SAMD12: variants seen among roughly 807,000 people sequenced by gnomAD.
SAMD12 encodes sterile alpha motif domain containing 12, also known as sterile alpha motif domain-containing protein 12.
SAMD12 carries 9 observed loss-of-function variants against 15.0 expected under a neutral mutation model. The ratio of observed to expected loss-of-function variants is 0.60; its 90% CI spans 0.36 to 1.05. The LOEUF (loss-of-function observed/expected upper bound fraction) is 1.05. Among genes scored for constraint, SAMD12 ranks in the 50% least tolerant of loss-of-function variants. The pLI, the probability that SAMD12 is intolerant of heterozygous loss-of-function variation, is 0.01. For synonymous variants in SAMD12, 86 were observed against 90.1 expected, an observed-to-expected ratio of 0.96 and a Z score of 0.25; for missense variants, 230 against 234.2, an observed-to-expected ratio of 0.98 and a Z score of 0.12.
intron 3 of SAMD12, among the ~76,000 whole-genome samples, chr8:118,430,071 T>A (rs1270144728): frequency 6.6e-6 from 1 of 152,190 alleles, no homozygotes; most frequent in African/African-American, 2.4e-5. Context: ...TTAAAAATTA[T>A]GGATCAACAC....
At chr8:118,406,516 CACCT>C (rs1241807025) in intron 3 of SAMD12, among the ~76,000 whole-genome samples, 5 of 152,030 alleles carry the variant, frequency 3.3e-5, no homozygotes, top group African/African-American at 4.8e-5. Flanking sequence ...TCAGGTGATC[CACCT>C]GCCTCGGCCT....
chr8:118,302,077 A>ATTTTTTTTTT (rs1815061746), intron 4 of SAMD12, among the ~76,000 whole-genome samples: 5 of 70,962 alleles, frequency 7.0e-5, no homozygotes, highest in African/African-American at 4.5e-4. Context: ...GATCTTTGAG[A>ATTTTTTTTTT]GTTTTTTTTT....
chr8:118,144,387 T>C, the SAMD12 span, among the ~76,000 whole-genome samples: 1 of 152,128 alleles, frequency 6.6e-6, no homozygotes, highest in Non-Finnish European at 1.5e-5. Flanking sequence ...ACAACCCTCA[T>C]CCCCACTGAG....
intron 4 of SAMD12, among the ~76,000 whole-genome samples, chr8:118,346,400 T>G (rs1015778820): frequency 3.3e-5 from 5 of 152,182 alleles, no homozygotes; most frequent in African/African-American, 1.2e-4. Context: ...TCTCAATATA[T>G]ATTCAATCTA....
chr8:118,204,414 G>A (rs1819804273), intron 4 of SAMD12, among the ~76,000 whole-genome samples: 1 of 152,070 alleles, frequency 6.6e-6, no homozygotes, highest in African/African-American at 2.4e-5. Flanking sequence ...CCCACTGAGA[G>A]TATGATTAAG....
intron 3 of SAMD12, among the ~76,000 whole-genome samples, chr8:118,423,979 A>T (rs1647124149): frequency 6.6e-6 from 1 of 152,194 alleles, no homozygotes; most frequent in Non-Finnish European, 1.5e-5. Flanking sequence ...AATTCTTTCT[A>T]CCTTGAGTTA....
At chr8:118,578,128 T>C (rs1827197193) in intron 2 of SAMD12, among the ~76,000 whole-genome samples, 1 of 152,164 alleles carries the variant, frequency 6.6e-6, no homozygotes, top group South Asian at 2.1e-4. Flanking sequence ...CAATATCTAC[T>C]ATGTCATAAC....
At chr8:118,325,423 T>TC (rs1328779359) in intron 4 of SAMD12, among the ~76,000 whole-genome samples, 4 of 152,138 alleles carry the variant, frequency 2.6e-5, no homozygotes, top group African/African-American at 7.2e-5. Flanking sequence ...ATTTCTTTGC[T>TC]CCCCCGGGTT....
At chr8:118,153,128 C>A in the SAMD12 span, among the ~76,000 whole-genome samples, 1 of 152,154 alleles carries the variant, frequency 6.6e-6, no homozygotes, top group Non-Finnish European at 1.5e-5. Context: ...CACTGCATAA[C>A]AAAACATCCC....
intron 2 of SAMD12, among the ~76,000 whole-genome samples, chr8:118,548,370 A>T (rs551581023): frequency 7.0e-6 from 1 of 143,372 alleles, no homozygotes; most frequent in Non-Finnish European, 1.5e-5. Context: ...TACCCTTTAC[A>T]CTAAAAACAC....
chr8:118,250,713 C>T (rs1173753307), intron 4 of SAMD12, among the ~76,000 whole-genome samples: 6 of 151,574 alleles, frequency 4.0e-5, no homozygotes, highest in Admixed American at 2.6e-4. Context: ...CCATGTTGTC[C>T]AGGCTGATCT....
intron 3 of SAMD12, among the ~76,000 whole-genome samples, chr8:118,426,198 G>A (rs1822230953): frequency 6.6e-6 from 1 of 152,152 alleles, no homozygotes; most frequent in African/African-American, 2.4e-5. Flanking sequence ...ATTTCTTGAT[G>A]TCCTTTGATG....
intron 4 of SAMD12, among the ~76,000 whole-genome samples, chr8:118,266,775 TA>T (rs1196256960): frequency 6.6e-6 from 1 of 151,922 alleles, no homozygotes; most frequent in South Asian, 2.1e-4. Context: ...TTTGTGGAAT[TA>T]AAAAAATGGA....
the SAMD12 span, among the ~76,000 whole-genome samples, chr8:118,152,442 T>C: frequency 2.3e-5 from 3 of 128,630 alleles, no homozygotes; most frequent in African/African-American, 8.6e-5. Flanking sequence ...CTTCCTTCCT[T>C]CCTCCCTCCC....
intron 2 of SAMD12, among the ~76,000 whole-genome samples, chr8:118,457,071 A>G (rs1823276598): frequency 6.6e-6 from 1 of 152,226 alleles, no homozygotes; most frequent in Non-Finnish European, 1.5e-5. Context: ...TCAATTAGAA[A>G]ATAAATGTAA....
chr8:118,574,423 G>A (rs1563592348), intron 2 of SAMD12, among the ~76,000 whole-genome samples: 1 of 152,196 alleles, frequency 6.6e-6, no homozygotes, highest in Non-Finnish European at 1.5e-5. Flanking sequence ...GATAAACTGT[G>A]TTTTAGGTAG....
the SAMD12 span, among the ~76,000 whole-genome samples, chr8:118,182,226 C>T: frequency 0.02 from 3,093 of 152,296 alleles, 105 homozygotes; most frequent in African/African-American, 0.068. Flanking sequence ...TAAGGTGATA[C>T]ATCTACAACT....
intron 2 of SAMD12, among the ~76,000 whole-genome samples, chr8:118,541,763 T>C (rs1279752209): frequency 6.6e-6 from 1 of 152,222 alleles, no homozygotes; most frequent in Admixed American, 6.5e-5. Flanking sequence ...CATACTTATT[T>C]CAGTAACTGA....
intron 4 of SAMD12, among the ~76,000 whole-genome samples, chr8:118,358,473 A>G (rs934416829): frequency 6.6e-6 from 1 of 152,150 alleles, no homozygotes; most frequent in East Asian, 1.9e-4. Flanking sequence ...CCAGCGGCCA[A>G]TTTCAGATGG....
Sources: gnomAD v4.1 joint callset for allele counts (sites outside exome capture counted in the v4.1 genomes callset) on GRCh38, gnomAD v4.1.1 for gene constraint, MANE v1.5 for transcripts, NCBI Gene and HGNC (gene_info 2026-07-23, HGNC 2026-07-21) for gene names.